The following WDR25 variants were observed in gnomAD, a reference collection of about 807,000 sequenced individuals.
The protein encoded by WDR25 is WD repeat-containing protein 25.
In WDR25, 35 loss-of-function variants were observed where a neutral mutation model predicts 47.7. That is an observed-to-expected ratio of 0.73 (90% confidence interval 0.56 to 0.97). The LOEUF is 0.97. Among genes scored for constraint, WDR25 ranks in the 50% least tolerant of loss-of-function variants. WDR25 has a pLI of 0.00. For missense variants in WDR25, 634 were observed against 704.7 expected, an observed-to-expected ratio of 0.90 and a Z score of 1.14; for synonymous variants, 248 against 278.9, an observed-to-expected ratio of 0.89 and a Z score of 1.10.
intron 2 of WDR25, among the ~76,000 whole-genome samples, chr14:100,459,894 G>GTATATATATATATATATATATA (rs61706956): frequency 2.6e-5 from 2 of 78,270 alleles, no homozygotes; most frequent in Non-Finnish European, 5.4e-5. Context: ...GTGTGTGTGT[G>GTATATATATATATATATATATA]TATATATATA....
At chr14:100,377,899 G>C (rs1300566075) in intron 1 of WDR25, among the ~76,000 whole-genome samples, 1 of 152,148 alleles carries the variant, frequency 6.6e-6, no homozygotes, top group Non-Finnish European at 1.5e-5. Context: ...TGTTGATGCT[G>C]ACCTGACTCC....
intron 2 of WDR25, among the ~76,000 whole-genome samples, chr14:100,405,638 C>T (rs1897513430): frequency 6.6e-6 from 1 of 152,244 alleles, no homozygotes; most frequent in Admixed American, 6.5e-5. Context: ...GAGGCCAGCA[C>T]TAACAGAAAC....
chr14:100,438,328 A>G (rs1227026973), intron 2 of WDR25, among the ~76,000 whole-genome samples: 1 of 152,240 alleles, frequency 6.6e-6, no homozygotes, highest in African/African-American at 2.4e-5. Context: ...TATGACTCTT[A>G]GGCATTGCCA....
chr14:100,494,010 T>G (rs1163898968), intron 4 of WDR25, among the ~76,000 whole-genome samples: 2 of 152,230 alleles, frequency 1.3e-5, no homozygotes, highest in East Asian at 3.8e-4. Context: ...CAAAGATTCT[T>G]TCCTCAGCTG....
At chr14:100,391,600 C>G (rs752476609) in intron 2 of WDR25, among the ~76,000 whole-genome samples, 1 of 152,046 alleles carries the variant, frequency 6.6e-6, no homozygotes, top group Non-Finnish European at 1.5e-5. Flanking sequence ...CCCATTTTCT[C>G]TCCACCCAGA....
In WDR25 at chr14:100,426,767, T is replaced by C. The variant is rs901190082; in HGVS notation, c.823-41254T>C. ...CCCACCCCATTTACTGAGAACCTGC[T>C]AGGTGCCAGGCATTGTGCAAGGCAA... On this transcript the variant is annotated intron_variant, in intron 2 of 6. Coordinates refer to ENST00000402312, the MANE Select transcript of WDR25 (RefSeq NM_001161476.3). 3.9e-5 allele frequency among the ~76,000 whole-genome samples: 6 copies of C among 152,078 alleles called. No homozygotes were observed. The South Asian group carries it at 1.0e-3, about 26-fold the overall frequency.
At chr14:100,526,805 C>T (rs1030687646) in intron 5 of WDR25, among the ~76,000 whole-genome samples, 1 of 117,778 alleles carries the variant, frequency 8.5e-6, no homozygotes, top group African/African-American at 3.0e-5. Flanking sequence ...TCACCAGCAC[C>T]AGCACCATCA....
At chr14:100,387,759 C>T (rs117342413) in intron 2 of WDR25, among the ~76,000 whole-genome samples, 8 of 152,352 alleles carry the variant, frequency 5.3e-5, no homozygotes, top group South Asian at 2.1e-4. Context: ...CCACCACTCA[C>T]GCTGCCCTCC....
intron 2 of WDR25, among the ~76,000 whole-genome samples, chr14:100,408,527 C>A (rs537308085): frequency 6.6e-6 from 1 of 151,888 alleles, no homozygotes. Context: ...CTCTGTGCCC[C>A]CCTCCAATCC....
At chr14:100,421,110 C>G (rs1347060460) in intron 2 of WDR25, among the ~76,000 whole-genome samples, 1 of 152,160 alleles carries the variant, frequency 6.6e-6, no homozygotes, top group Non-Finnish European at 1.5e-5. Flanking sequence ...TTCCATTCGG[C>G]CAAAACTGGA....
chr14:100,447,238 T>C (rs1159369881), intron 2 of WDR25, among the ~76,000 whole-genome samples: 7 of 152,226 alleles, frequency 4.6e-5, no homozygotes, highest in African/African-American at 1.4e-4. Flanking sequence ...AGCTGTTCCA[T>C]TTGTCCTTAG....
chr14:100,464,716 C>T (rs1177620821), intron 2 of WDR25, among the ~76,000 whole-genome samples: 1 of 139,586 alleles, frequency 7.2e-6, no homozygotes, highest in African/African-American at 2.7e-5. Context: ...TCCCCTACCC[C>T]ATCTCATCTC....
rs1431857056 is a variant in WDR25 at position 100,502,906 on chromosome 14, A to G, written c.1101+18782A>G. Among the ~76,000 whole-genome samples, 1 of 151,946 alleles carries G rather than the reference A, an allele frequency of 6.6e-6. No individual in the cohort carries two copies. Among genetic ancestry groups the G allele is most frequent in the Admixed American group, 6.6e-5 (1 of 15,266 alleles). ...CACTAAAGGGCACAACATATGAGGG[A>G]ATGGTGAGGGTTTTTTGTTGCTGGA... On this transcript the variant is annotated intron_variant, in intron 4 of 6. Coordinates refer to ENST00000402312, the MANE Select transcript of WDR25 (RefSeq NM_001161476.3). This position sits in a 1 kb window ranked among gnomAD's most constrained non-coding sequence, Gnocchi z 4.5.
At chr14:100,454,316 GAGA>G (rs1272619459) in intron 2 of WDR25, 11 of 1,227,296 alleles carry the variant, frequency 9.0e-6, no homozygotes, top group East Asian at 5.7e-5. Flanking sequence ...GCTGGGTGTG[GAGA>G]AGATTTTGAC....
intron 2 of WDR25, among the ~76,000 whole-genome samples, chr14:100,467,094 C>T (rs919642476): frequency 6.6e-6 from 1 of 152,176 alleles, no homozygotes; most frequent in Non-Finnish European, 1.5e-5. Flanking sequence ...CATGAAAGGC[C>T]AGCATGGGAA....
intron 2 of WDR25, among the ~76,000 whole-genome samples, chr14:100,410,688 T>C (rs1897682084): frequency 6.6e-6 from 1 of 152,126 alleles, no homozygotes; most frequent in African/African-American, 2.4e-5. Flanking sequence ...CTTCAGATTA[T>C]TCCTTATAAA....
At chr14:100,469,658 C>T (rs1385454125) in intron 3 of WDR25, among the ~76,000 whole-genome samples, 1 of 152,214 alleles carries the variant, frequency 6.6e-6, no homozygotes, top group East Asian at 1.9e-4. Flanking sequence ...AGTTTGATGC[C>T]ACTTGATGAT....
intron 4 of WDR25, among the ~76,000 whole-genome samples, chr14:100,524,076 T>C (rs1185685244): frequency 6.6e-6 from 1 of 152,146 alleles, no homozygotes; most frequent in African/African-American, 2.4e-5. Flanking sequence ...CATTCACTTT[T>C]ATGACACCCT....
At chr14:100,386,832 G>T (rs1406979550) in intron 2 of WDR25, among the ~76,000 whole-genome samples, 2 of 152,228 alleles carry the variant, frequency 1.3e-5, no homozygotes, top group South Asian at 4.1e-4. Flanking sequence ...GGCGGAGCTT[G>T]CAGTGAGCCC....
Sources: allele counts gnomAD v4.1 joint callset (sites outside exome capture counted in the v4.1 genomes callset), GRCh38; gene constraint gnomAD v4.1.1; non-coding constraint Gnocchi (gnomAD v3.1); transcripts MANE v1.5; gene names NCBI Gene and HGNC (gene_info 2026-07-23, HGNC 2026-07-21).